The following ATP5PF variants were observed in gnomAD, a reference collection of about 807,000 sequenced individuals.
ATP5PF encodes ATP synthase peripheral stalk subunit F6, mitochondrial.
In ATP5PF, 7 loss-of-function variants were observed where a neutral mutation model predicts 12.0. The observed-to-expected ratio is 0.58, with a 90% CI of 0.33 to 1.10. The LOEUF is 1.10. Among genes scored for constraint, ATP5PF ranks in the 50% least tolerant of loss-of-function variants. The pLI is 0.03. For missense variants in ATP5PF, 120 were observed against 127.7 expected, an observed-to-expected ratio of 0.94 and a Z score of 0.29; for synonymous variants, 41 against 45.4, an observed-to-expected ratio of 0.90 and a Z score of 0.39.
chr21:25,724,933 A>G, intron 3 of ATP5PF: 1 of 583,958 alleles, frequency 1.7e-6, no homozygotes. Context: ...ATGTCAGATG[A>G]GGAGACATGC....
At position 25,729,798 on chromosome 21, in the gene ATP5PF, G is replaced by A. The variant is rs764878225; in HGVS notation, c.-4C>T. ...TGAAGAGCCTCTGAAGAATCATGCT[G>A]ATTCTGTTACAGAAAACAAGCAGCA... On this transcript the variant is annotated 5_prime_UTR_variant, in exon 2 of 4. Coordinates refer to ENST00000284971, the MANE Select transcript of ATP5PF (RefSeq NM_001003703.2). 1 of 1,611,324 alleles carries A rather than the reference G, an allele frequency of 6.2e-7. No homozygotes were observed. The highest frequency in any genetic ancestry group is 1.3e-5 in the African/African-American group (1 of 74,706).
rs894568149 is a variant in ATP5PF, at chr21:25,734,867, C to G, written c.-22G>C. 6.5e-7 allele frequency: 1 copy of G among 1,544,168 alleles called. No individual in the cohort carries two copies. Among genetic ancestry groups the G allele is most frequent in the East Asian group, 2.4e-5 (1 of 41,080 alleles). ...CTCCCAGTCACCTTGCACTCAGTCC[C>G]GAGCTGCCAAAGCCTCCGCCGCCAC... On this transcript the variant is annotated 5_prime_UTR_variant, in exon 1 of 4. Transcript: ENST00000284971.
At chr21:25,730,786 C>T (rs1162253223) in intron 1 of ATP5PF, among the ~76,000 whole-genome samples, 2 of 82,930 alleles carry the variant, frequency 2.4e-5, no homozygotes, top group African/African-American at 3.5e-5. Flanking sequence ...GACTTAAAGA[C>T]TTTCAAATCC....
chr21:25,732,202 G>C (rs1212474691), intron 1 of ATP5PF, among the ~76,000 whole-genome samples: 1 of 152,210 alleles, frequency 6.6e-6, no homozygotes, highest in Non-Finnish European at 1.5e-5. Context: ...CAAGCTGAGT[G>C]CTACTGGCTT....
At position 25,729,716 on chromosome 21, in the gene ATP5PF, C is replaced by T; in HGVS notation, c.79G>A (p.Val27Ile). ...TCCTTATTAAATGCCACTGCTGTAACACCAATGTTCCTCCGCAAATGGACT... is the reference window on the plus strand; with the variant it reads ...TCCTTATTAAATGCCACTGCTGTAATACCAATGTTCCTCCGCAAATGGACT... The part of the protein sequence containing the change: ...VSVHLRRNIG[V>I]TAVAFNKELD... Residue 27 changes from valine to isoleucine, a missense_variant, in exon 2 of 4, where the codon GTT (valine) becomes ATT (isoleucine). Transcript: ENST00000284971. 6.2e-7 allele frequency: 1 copy of T among 1,613,000 alleles called. No homozygotes were observed. The highest frequency in any genetic ancestry group is 8.5e-7 in the Non-Finnish European group (1 of 1,179,664).
intron 3 of ATP5PF, chr21:25,724,908 T>C (rs1441062133): frequency 3.4e-6 from 2 of 588,712 alleles, no homozygotes; most frequent in African/African-American, 3.8e-5. Flanking sequence ...CAGAAGATAC[T>C]ATAATTCTCC....
intron 2 of ATP5PF, among the ~76,000 whole-genome samples, chr21:25,728,317 A>C (rs2034669934): frequency 6.6e-6 from 1 of 152,164 alleles, no homozygotes; most frequent in South Asian, 2.1e-4. Context: ...CTCAGTCTAC[A>C]ATCAAGGCCT....
chr21:25,732,350 A>C (rs2034806231), intron 1 of ATP5PF, among the ~76,000 whole-genome samples: 1 of 152,142 alleles, frequency 6.6e-6, no homozygotes. Context: ...AAATTATCAA[A>C]AGAAATCTAC....
At chr21:25,732,153 C>T (rs116294511) in intron 1 of ATP5PF, among the ~76,000 whole-genome samples, 1,901 of 152,244 alleles carry the variant, frequency 0.012, 51 homozygotes, top group African/African-American at 0.044. Context: ...TCCAAGGAGA[C>T]ATCTGGCAAT....
At chr21:25,725,418 A>G in intron 2 of ATP5PF, 68 bp from the exon 3 acceptor site, 3 of 1,432,166 alleles carry the variant, frequency 2.1e-6, no homozygotes, top group East Asian at 5.0e-5. Flanking sequence ...ATTACTTTTC[A>G]CCACCACATT....
At chr21:25,725,023 C>T (rs2034578971) in intron 3 of ATP5PF, 2 of 676,448 alleles carry the variant, frequency 3.0e-6, no homozygotes, top group African/African-American at 3.7e-5. Context: ...CAGATCCCCA[C>T]CATTTAATCA....
intron 1 of ATP5PF, among the ~76,000 whole-genome samples, chr21:25,730,451 T>C (rs2034731949): frequency 6.6e-6 from 1 of 152,114 alleles, no homozygotes; most frequent in Non-Finnish European, 1.5e-5. Flanking sequence ...TAAGGACTTA[T>C]GGCCAGGTGC....
upstream of ATP5PF, chr21:25,734,977 G>T (rs748989957): frequency 3.7e-5 from 58 of 1,562,534 alleles, no homozygotes; most frequent in Non-Finnish European, 4.8e-5. Context: ...GTTTCAGTCG[G>T]TCGACGCTCA....
intron 1 of ATP5PF, among the ~76,000 whole-genome samples, chr21:25,730,974 G>GTGGCTCA (rs1205681738): frequency 6.6e-6 from 1 of 152,136 alleles, no homozygotes; most frequent in Non-Finnish European, 1.5e-5. Context: ...GCCAGGCACG[G>GTGGCTCA]TGGCTCATGT....
chr21:25,734,929 A>C, upstream of ATP5PF: 1 of 1,572,810 alleles, frequency 6.4e-7, no homozygotes, highest in Non-Finnish European at 8.6e-7. Context: ...CTCCGCCCCC[A>C]CACGCCTACC....
chr21:25,725,104 A>G, intron 3 of ATP5PF, 122 bp downstream of exon 3: 1 of 1,331,064 alleles, frequency 7.5e-7, no homozygotes, highest in Non-Finnish European at 1.0e-6. Context: ...TCTCAGGCAC[A>G]CGTCATGGTC....
At chr21:25,732,812 C>A (rs1032071756) in intron 1 of ATP5PF, among the ~76,000 whole-genome samples, 1 of 151,380 alleles carries the variant, frequency 6.6e-6, no homozygotes, top group African/African-American at 2.4e-5. Flanking sequence ...GGAGAAACCC[C>A]GTCTCTACCA....
In ATP5PF at chr21:25,725,337, G is replaced by A; in HGVS notation, c.178C>T (p.Pro60Ser). ...YKSKRQTSGG[P>S]VDASSEYQQE... ...TGATACTCTGAACTAGCATCAACAG[G>A]TCCTCCAGATGTCCTGTTAAGTAAA... is the stretch of plus-strand genomic sequence containing the variant. Residue 60 changes from proline (P) to serine (S), a missense_variant, in exon 3 of 4, where the codon CCT (proline) becomes TCT (serine). Coordinates refer to ENST00000284971, the MANE Select transcript of ATP5PF (RefSeq NM_001003703.2). The A allele has an allele frequency of 6.2e-7, 1 of 1,600,640 alleles. No homozygotes were observed. Among genetic ancestry groups the A allele is most frequent in the Non-Finnish European group, 8.5e-7 (1 of 1,176,900 alleles).
At chr21:25,732,130 G>A (rs951981176) in intron 1 of ATP5PF, among the ~76,000 whole-genome samples, 7 of 152,156 alleles carry the variant, frequency 4.6e-5, no homozygotes, top group Non-Finnish European at 4.4e-5. Flanking sequence ...GGGAAGAAGT[G>A]AGTTTTTTTC....
Sources: allele counts gnomAD v4.1 joint callset (sites outside exome capture counted in the v4.1 genomes callset), GRCh38; gene constraint gnomAD v4.1.1; transcripts MANE v1.5; gene names NCBI Gene and HGNC (gene_info 2026-07-23, HGNC 2026-07-21).